The following LRMDA variants were observed in gnomAD, a reference collection of about 807,000 sequenced individuals.
LRMDA encodes leucine rich melanocyte differentiation associated.
A neutral mutation model predicts 29.8 loss-of-function variants in LRMDA; 18 were observed. The ratio of observed to expected loss-of-function variants is 0.60; its 90% CI spans 0.42 to 0.90. The LOEUF (loss-of-function observed/expected upper bound fraction) is 0.90. Among genes scored for constraint, LRMDA ranks in the 40% least tolerant of loss-of-function variants. The pLI is 0.00. For synonymous variants in LRMDA, 125 were observed against 109.4 expected (o/e 1.14, Z -0.89); for missense variants, 273 against 273.9 (o/e 1.00, Z 0.02).
intron 2 of LRMDA, among the ~76,000 whole-genome samples, chr10:75,595,882 T>C (rs1052172468): frequency 6.6e-5 from 10 of 152,114 alleles, no homozygotes; most frequent in African/African-American, 2.4e-4. Context: ...TTTTCAGAGA[T>C]GATTCTCTTC....
At chr10:75,855,810 A>G (rs772206804) in intron 2 of LRMDA, among the ~76,000 whole-genome samples, 4 of 152,220 alleles carry the variant, frequency 2.6e-5, no homozygotes, top group African/African-American at 9.6e-5. Flanking sequence ...AGCACCATTT[A>G]TTAAATATGG....
intron 5 of LRMDA, among the ~76,000 whole-genome samples, chr10:76,262,540 T>G (rs1168717798): frequency 6.6e-6 from 1 of 152,202 alleles, no homozygotes; most frequent in Non-Finnish European, 1.5e-5. Context: ...AAGTGAAAGA[T>G]TAGGGTAACT....
At chr10:75,821,270 A>C (rs1257003398) in intron 2 of LRMDA, among the ~76,000 whole-genome samples, 1 of 152,206 alleles carries the variant, frequency 6.6e-6, no homozygotes, top group African/African-American at 2.4e-5. Flanking sequence ...CCTCAACAGA[A>C]CACTAGCAAA....
chr10:76,144,726 T>A (rs1850277774), intron 5 of LRMDA, among the ~76,000 whole-genome samples: 1 of 152,146 alleles, frequency 6.6e-6, no homozygotes, highest in Admixed American at 6.5e-5. Context: ...CTTCCAACAC[T>A]ATGTTGAATA....
At chr10:75,829,349 G>A (rs1844299825) in intron 2 of LRMDA, among the ~76,000 whole-genome samples, 1 of 152,172 alleles carries the variant, frequency 6.6e-6, no homozygotes, top group African/African-American at 2.4e-5. Context: ...CTGGATCATG[G>A]CTGCACAGTT....
At chr10:75,532,152 C>T (rs1564794118) in intron 2 of LRMDA, among the ~76,000 whole-genome samples, 1 of 151,468 alleles carries the variant, frequency 6.6e-6, no homozygotes, top group East Asian at 1.9e-4. Context: ...CTTTTATGAC[C>T]TCTTGGGCTG....
rs533489225 is a variant in LRMDA, at chr10:76,343,227, G to A, written c.601+18742G>A. Among the ~76,000 whole-genome samples the A allele has an allele frequency of 2.6e-4, 40 of 152,288 alleles. 1 individual carries two copies. The South Asian group carries it at 3.1e-3, about 12-fold the overall frequency. The stretch of plus-strand genomic sequence containing the variant: ...TCTTACAGAAGTATATTTACAGAGT[G>A]AAGAAGTACTTCCAAATTTCTTTTG... On this transcript the variant is annotated intron_variant, in intron 6 of 6. Transcript: ENST00000611255.
intron 6 of LRMDA, among the ~76,000 whole-genome samples, chr10:76,453,332 C>T (rs1842425539): frequency 6.6e-6 from 1 of 152,158 alleles, no homozygotes; most frequent in Admixed American, 6.6e-5. Flanking sequence ...ATTTAGTTGC[C>T]AACTAAGGTG....
intron 2 of LRMDA, among the ~76,000 whole-genome samples, chr10:75,587,314 C>T (rs993726233): frequency 6.6e-6 from 1 of 151,916 alleles, no homozygotes; most frequent in Non-Finnish European, 1.5e-5. Context: ...TTATAATATC[C>T]AGGGTTGCGT....
At chr10:76,173,916 T>G (rs1850885267) in intron 5 of LRMDA, among the ~76,000 whole-genome samples, 1 of 152,134 alleles carries the variant, frequency 6.6e-6, no homozygotes, top group Non-Finnish European at 1.5e-5. Context: ...TGACTTAGCC[T>G]CCCAAAGTGC....
At chr10:75,590,485 A>C (rs1186317695) in intron 2 of LRMDA, among the ~76,000 whole-genome samples, 2 of 152,146 alleles carry the variant, frequency 1.3e-5, no homozygotes, top group African/African-American at 4.8e-5. Flanking sequence ...CATCTGACTC[A>C]ACTGTGAAAA....
intron 5 of LRMDA, among the ~76,000 whole-genome samples, chr10:76,225,269 G>C (rs1851929727): frequency 6.6e-6 from 1 of 152,006 alleles, no homozygotes; most frequent in Admixed American, 6.6e-5. Flanking sequence ...AAACTAGCTG[G>C]GCGTGGTGGT....
At chr10:76,241,857 C>T (rs972593689) in intron 5 of LRMDA, among the ~76,000 whole-genome samples, 26 of 152,190 alleles carry the variant, frequency 1.7e-4, no homozygotes, top group African/African-American at 6.3e-4. Context: ...CCACAGTCAA[C>T]ATTGCTTCCT....
chr10:75,853,095 G>A (rs1160209613), intron 2 of LRMDA, among the ~76,000 whole-genome samples: 1 of 152,036 alleles, frequency 6.6e-6, no homozygotes, highest in Non-Finnish European at 1.5e-5. Context: ...CTCATGATTC[G>A]ATTACCTCCT....
intron 5 of LRMDA, among the ~76,000 whole-genome samples, chr10:76,230,190 A>G (rs914377485): frequency 6.6e-6 from 1 of 152,136 alleles, no homozygotes; most frequent in Admixed American, 6.6e-5. Context: ...GAAAGCAGAG[A>G]GGGAAACTTG....
At chr10:76,531,664 A>G (rs1843235655) in intron 6 of LRMDA, among the ~76,000 whole-genome samples, 1 of 152,084 alleles carries the variant, frequency 6.6e-6, no homozygotes, top group Non-Finnish European at 1.5e-5. Flanking sequence ...TCTACTTTTT[A>G]TATATTGCTG....
intron 2 of LRMDA, among the ~76,000 whole-genome samples, chr10:75,617,889 C>T (rs1274835086): frequency 2.6e-5 from 4 of 152,194 alleles, no homozygotes; most frequent in East Asian, 3.9e-4. Context: ...GGAGACCTGG[C>T]GCTACAGAAG....
intron 6 of LRMDA, among the ~76,000 whole-genome samples, chr10:76,511,765 T>C (rs1750975085): frequency 6.6e-6 from 1 of 150,636 alleles, no homozygotes; most frequent in South Asian, 2.1e-4. Flanking sequence ...GAATTAAAAG[T>C]CTTAATATTA....
chr10:76,098,672 G>C (rs1849351479), intron 5 of LRMDA, among the ~76,000 whole-genome samples: 1 of 151,966 alleles, frequency 6.6e-6, no homozygotes, highest in Non-Finnish European at 1.5e-5. Flanking sequence ...CGCCCAGCAG[G>C]TTCACCTTAC....
Sources: allele counts gnomAD v4.1 joint callset (sites outside exome capture counted in the v4.1 genomes callset), GRCh38; gene constraint gnomAD v4.1.1; transcripts MANE v1.5; gene names NCBI Gene and HGNC (gene_info 2026-07-23, HGNC 2026-07-21).